CTNND2: variants seen among roughly 807,000 people sequenced by gnomAD.
CTNND2 encodes catenin delta-2.
Under a neutral mutation model 144.4 loss-of-function variants are expected in CTNND2, and 22 were observed. The ratio of observed to expected loss-of-function variants is 0.15; its 90% CI spans 0.11 to 0.22. The LOEUF is 0.22. CTNND2 is among the 10% of genes least tolerant of loss of function. The probability of loss-of-function intolerance (pLI) is 1.00; values close to 1 mark genes in which losing one functional copy is unlikely to be tolerated. For synonymous variants in CTNND2, 751 were observed against 695.6 expected (o/e 1.08, Z -1.25); for missense variants, 1,353 against 1,618.8 (o/e 0.84, Z 2.82).
intron 3 of CTNND2, among the ~76,000 whole-genome samples, chr5:11,553,475 C>G (rs1466758567): frequency 6.6e-6 from 1 of 152,220 alleles, no homozygotes; most frequent in Non-Finnish European, 1.5e-5. Context: ...TCACTCATAA[C>G]AGTTGGTATG....
chr5:11,110,357 G>A (rs554329505), intron 14 of CTNND2, among the ~76,000 whole-genome samples: 2 of 152,302 alleles, frequency 1.3e-5, no homozygotes, highest in African/African-American at 4.8e-5. Context: ...CTGTGGAAGG[G>A]CTGTGAATTC....
chr5:11,619,206 G>A (rs1442771825), intron 2 of CTNND2, among the ~76,000 whole-genome samples: 1 of 152,094 alleles, frequency 6.6e-6, no homozygotes, highest in Non-Finnish European at 1.5e-5. Context: ...TATGGAGTTC[G>A]AGACCAGCCT....
At chr5:11,679,971 G>A (rs1784354217) in intron 2 of CTNND2, among the ~76,000 whole-genome samples, 1 of 152,204 alleles carries the variant, frequency 6.6e-6, no homozygotes, top group African/African-American at 2.4e-5. Flanking sequence ...CAGAAGAATA[G>A]AATCCAAGCA....
chr5:11,346,485 C>T lies in CTNND2; in HGVS notation c.1515G>A (p.Gln505=). Residue 505 remains glutamine (Q), a synonymous_variant, in exon 9 of 22, where the codon CAG becomes CAA. Coordinates refer to ENST00000304623, the MANE Select transcript of CTNND2 (RefSeq NM_001332.4). The part of the protein sequence containing the change: ...PASNYADPYR[Q]LQYCPSVESP... ...ACTCAACAGAGGGACAATACTGCAG[C>T]TGTCGGTAGGGGTCCGCGTAATTGG... is the stretch of plus-strand genomic sequence containing the variant. 2 of 1,604,376 alleles carry T rather than the reference C, an allele frequency of 1.2e-6. No homozygotes were observed. The highest frequency in any genetic ancestry group is 1.7e-6 in the Non-Finnish European group (2 of 1,175,586).
At chr5:11,758,805 T>C (rs1001118263) in intron 1 of CTNND2, among the ~76,000 whole-genome samples, 3 of 152,082 alleles carry the variant, frequency 2.0e-5, no homozygotes, top group East Asian at 1.9e-4. Flanking sequence ...TAAATTATTC[T>C]ATGTTTAGGA....
intron 16 of CTNND2, among the ~76,000 whole-genome samples, chr5:11,045,770 C>T (rs1196378522): frequency 6.6e-6 from 1 of 152,196 alleles, no homozygotes; most frequent in Non-Finnish European, 1.5e-5. Flanking sequence ...AGGTCACACT[C>T]ACAGATTCTG....
At chr5:11,347,632 A>G (rs1754930914) in intron 8 of CTNND2, among the ~76,000 whole-genome samples, 1 of 152,230 alleles carries the variant, frequency 6.6e-6, no homozygotes, top group Non-Finnish European at 1.5e-5. Flanking sequence ...AACAGCAGAC[A>G]GCCCACTTGC....
chr5:11,742,027 C>A (rs1027731731), intron 1 of CTNND2, among the ~76,000 whole-genome samples: 3 of 150,542 alleles, frequency 2.0e-5, no homozygotes, highest in Non-Finnish European at 3.0e-5. Flanking sequence ...AATAATAATA[C>A]AATGGACTTT....
chr5:11,308,759 A>G (rs957691515), intron 9 of CTNND2, among the ~76,000 whole-genome samples: 43 of 152,202 alleles, frequency 2.8e-4, no homozygotes, highest in Non-Finnish European at 5.9e-5. Flanking sequence ...ATTCAGATGT[A>G]CCACAGTCTA....
At chr5:11,642,109 T>C (rs1782098516) in intron 2 of CTNND2, among the ~76,000 whole-genome samples, 1 of 151,744 alleles carries the variant, frequency 6.6e-6, no homozygotes, top group Non-Finnish European at 1.5e-5. Context: ...ACCCACGGAG[T>C]TTTGAGAACA....
Position 11,598,849 on chromosome 5 carries a change from G to A in CTNND2, c.175-33793C>T, listed in dbSNP as rs945648256. On this transcript the variant is annotated intron_variant, in intron 2 of 21. Transcript: ENST00000304623. ...GCATCTTGTATTAGTGCATTCTCAC[G>A]CTGCTATCAAGAACTACCTGAGACT... Among the ~76,000 whole-genome samples the A allele has an allele frequency of 4.6e-5, 7 of 152,168 alleles. No individual in the cohort carries two copies. In the South Asian group the frequency reaches 1.0e-3, roughly 23 times the overall value.
intron 3 of CTNND2, among the ~76,000 whole-genome samples, chr5:11,480,646 ATGTGTGTG>A (rs58951106): frequency 2.0e-5 from 3 of 149,056 alleles, no homozygotes; most frequent in East Asian, 2.0e-4. Flanking sequence ...AAATACATAT[ATGTGTGTG>A]TGTGTGTGTG....
At chr5:11,792,223 G>T (rs1791171145) in intron 1 of CTNND2, among the ~76,000 whole-genome samples, 1 of 151,940 alleles carries the variant, frequency 6.6e-6, no homozygotes, top group Non-Finnish European at 1.5e-5. Flanking sequence ...AATAATTATT[G>T]CAATGTTCTA....
In CTNND2 at chr5:11,411,939, A is replaced by G. The variant is rs1427947916; in HGVS notation, c.322+96T>C. The G allele has an allele frequency of 4.0e-6, 4 of 994,362 alleles. No homozygotes were observed. In the African/African-American group the frequency reaches 4.9e-5, roughly 12 times the overall value. 61.6% of individuals were successfully genotyped at this position (994,362 alleles called of 1,614,324 possible). On this transcript the variant is annotated intron_variant, in intron 4 of 21. Coordinates refer to ENST00000304623, the MANE Select transcript of CTNND2 (RefSeq NM_001332.4). ...AATTTTACTATCGGGATGTTTTCCT[A>G]TTACTTTTCTAAGTCTCATTCTAAA...
At chr5:11,543,451 T>C (rs539045686) in intron 3 of CTNND2, among the ~76,000 whole-genome samples, 1 of 152,200 alleles carries the variant, frequency 6.6e-6, no homozygotes, top group Non-Finnish European at 1.5e-5. Context: ...GACAACTAGA[T>C]AGTCTGATGG....
intron 2 of CTNND2, among the ~76,000 whole-genome samples, chr5:11,635,532 T>C (rs191428597): frequency 7.9e-5 from 12 of 152,312 alleles, no homozygotes; most frequent in African/African-American, 2.9e-4. Context: ...TTTCTGTTAC[T>C]GACTTCTAGG....
chr5:11,435,597 C>T (rs1222706934), intron 3 of CTNND2, among the ~76,000 whole-genome samples: 1 of 152,170 alleles, frequency 6.6e-6, no homozygotes, highest in African/African-American at 2.4e-5. Context: ...CATTTTTATA[C>T]AAAAACAGGC....
chr5:11,463,163 C>A (rs1205972289), intron 3 of CTNND2, among the ~76,000 whole-genome samples: 1 of 152,104 alleles, frequency 6.6e-6, no homozygotes, highest in Non-Finnish European at 1.5e-5. Context: ...AAATAATAAG[C>A]CTACTTTTGG....
intron 19 of CTNND2, among the ~76,000 whole-genome samples, chr5:10,989,852 G>A (rs1358746924): frequency 6.6e-6 from 1 of 152,206 alleles, no homozygotes; most frequent in Non-Finnish European, 1.5e-5. Context: ...GTGCTGGGAA[G>A]ATAAACATGG....
Sources: gnomAD v4.1 joint callset for allele counts (sites outside exome capture counted in the v4.1 genomes callset) on GRCh38, gnomAD v4.1.1 for gene constraint, MANE v1.5 for transcripts, NCBI Gene and HGNC (gene_info 2026-07-23, HGNC 2026-07-21) for gene names.